The following SVIL variants were observed in gnomAD, a reference collection of about 807,000 sequenced individuals.
The protein encoded by SVIL is archvillin.
In SVIL, 101 loss-of-function variants were observed where a neutral mutation model predicts 240.4. The ratio of observed to expected loss-of-function variants is 0.42; its 90% confidence interval spans 0.36 to 0.50. SVIL has a LOEUF of 0.50. Among genes scored for constraint, SVIL ranks in the 20% least tolerant of loss-of-function variants. The probability of loss-of-function intolerance (pLI) is 0.01; values close to 1 mark genes in which losing one functional copy is unlikely to be tolerated. For missense variants in SVIL, 2,512 were observed against 2,818.7 expected (o/e 0.89, Z 2.46); for synonymous variants, 999 against 1,100.0 (o/e 0.91, Z 1.82).
chr10:29,558,736 G>T (rs1954172212), intron 3 of SVIL, among the ~76,000 whole-genome samples: 1 of 151,390 alleles, frequency 6.6e-6, no homozygotes, highest in Admixed American at 6.6e-5. Flanking sequence ...AGACTAGTGT[G>T]GCTAACATGA....
chr10:29,478,842 T>G lies in SVIL; in HGVS notation c.5377+1695A>C, dbSNP rs1339605141. Among the ~76,000 whole-genome samples the G allele has an allele frequency of 6.8e-5, 10 of 146,846 alleles. No individual in the cohort carries two copies. In the Admixed American group the frequency reaches 7.0e-4, roughly 10 times the overall value. ...TGGGAGGCTGAGGCACGAGGATGGC[T>G]TGAGCCTGGGAGGTCAAGGCTGCAG... On this transcript the variant is annotated intron_variant, in intron 29 of 37. Coordinates refer to ENST00000355867, the MANE Select transcript of SVIL (RefSeq NM_021738.3).
At chr10:29,497,745 T>G (rs544037595) in intron 18 of SVIL, among the ~76,000 whole-genome samples, 1 of 152,268 alleles carries the variant, frequency 6.6e-6, no homozygotes, top group Non-Finnish European at 1.5e-5. Flanking sequence ...AAGGCTGACT[T>G]AGGGTACATG....
intron 33 of SVIL, 79 bp from the exon 34 acceptor site, chr10:29,465,829 T>C: frequency 6.6e-7 from 1 of 1,519,382 alleles, no homozygotes; most frequent in Non-Finnish European, 8.9e-7. Context: ...ATGTAAAATA[T>C]GAAATAATTC....
intron 1 of SVIL, among the ~76,000 whole-genome samples, chr10:29,608,325 G>A (rs1399478237): frequency 6.6e-6 from 1 of 152,252 alleles, no homozygotes; most frequent in African/African-American, 2.4e-5. Context: ...CGGCAGCAGT[G>A]GCCCATCTGG....
chr10:29,657,977 C>T lies in SVIL; in HGVS notation c.-209G>A, dbSNP rs546352582. On this transcript the variant is annotated 5_prime_UTR_variant, in exon 3 of 36. Coordinates refer to the SVIL transcript ENST00000375400. ...CTTTCCTCAATACTTACCTTAACGCCGATATTTAAATCATGGCTTCGATGT... is the reference window on the plus strand; with the variant it reads ...CTTTCCTCAATACTTACCTTAACGCTGATATTTAAATCATGGCTTCGATGT... 8 of 152,258 alleles carry T rather than the reference C, an allele frequency of 5.3e-5. No homozygotes were observed. In the South Asian group the frequency reaches 1.2e-3, roughly 24 times the overall value. 9.4% of individuals were successfully genotyped at this position (152,258 alleles called of 1,614,324 possible). A position where few individuals can be genotyped will look rare whatever the true frequency, so the allele number is the denominator to read the frequency against.
chr10:29,547,584 C>CTT (rs1457554242), intron 6 of SVIL, among the ~76,000 whole-genome samples: 1 of 152,046 alleles, frequency 6.6e-6, no homozygotes, highest in Admixed American at 6.6e-5. Flanking sequence ...GTCAACAATG[C>CTT]TTTTTTCTAG....
upstream of SVIL, among the ~76,000 whole-genome samples, chr10:29,637,248 G>A (rs1481759198): frequency 6.6e-6 from 1 of 152,176 alleles, no homozygotes; most frequent in Non-Finnish European, 1.5e-5. Flanking sequence ...ACTTTGGTAG[G>A]CCGAGGCGGG....
intron 1 of SVIL, among the ~76,000 whole-genome samples, chr10:29,619,498 C>T (rs563549139): frequency 7.9e-5 from 12 of 152,276 alleles, no homozygotes; most frequent in Non-Finnish European, 8.8e-5. Context: ...CTGAAGGGAA[C>T]CAAAGCTGGA....
chr10:29,625,215 C>G (rs1957817336), intron 1 of SVIL, among the ~76,000 whole-genome samples: 1 of 152,172 alleles, frequency 6.6e-6, no homozygotes, highest in Admixed American at 6.5e-5. Context: ...GTTAAGACTA[C>G]CTTTCTTTTT....
chr10:29,593,437 A>G (rs548397092), intron 1 of SVIL, among the ~76,000 whole-genome samples: 1 of 152,312 alleles, frequency 6.6e-6, no homozygotes, highest in South Asian at 2.1e-4. Context: ...CCCATCAGGA[A>G]GATTCCAGAC....
At chr10:29,682,821 T>G (rs1003521574) in intron 2 of SVIL, among the ~76,000 whole-genome samples, 2 of 152,222 alleles carry the variant, frequency 1.3e-5, no homozygotes, top group Non-Finnish European at 2.9e-5. Context: ...TTAATGACTA[T>G]TCACCTGTCC....
At position 29,484,310 on chromosome 10, in the gene SVIL, C is replaced by T. The variant is rs10826637; in HGVS notation, c.4955+346G>A. ...CAGATCAATGGCTGAATTCCAGACC[C>T]GGGGAAGCCTTTCAGATCCGCATGT... On this transcript the variant is annotated intron_variant, in intron 27 of 37. Transcript: ENST00000355867. This position sits in a 1 kb window ranked among gnomAD's most constrained non-coding sequence, Gnocchi z 4.7. Among the ~76,000 whole-genome samples, 14,440 of 152,122 alleles carry T rather than the reference C, an allele frequency of 0.095. 861 individuals are homozygous for T. The highest frequency in any genetic ancestry group is 0.13 in the Non-Finnish European group (8,997 of 67,986).
At chr10:29,492,520 TG>T (rs1948066679) in intron 21 of SVIL, among the ~76,000 whole-genome samples, 1 of 151,924 alleles carries the variant, frequency 6.6e-6, no homozygotes, top group South Asian at 2.1e-4. Flanking sequence ...GTTCAGTGGC[TG>T]AGCCGGCAAA....
At chr10:29,651,781 C>T (rs1343300430) in intron 3 of SVIL, among the ~76,000 whole-genome samples, 1 of 152,150 alleles carries the variant, frequency 6.6e-6, no homozygotes, top group Non-Finnish European at 1.5e-5. Flanking sequence ...ACACCTCAAA[C>T]TTAATATGTC....
chr10:29,602,497 T>C (rs74403874), intron 1 of SVIL, among the ~76,000 whole-genome samples: 3 of 152,240 alleles, frequency 2.0e-5, no homozygotes, highest in African/African-American at 4.8e-5. Context: ...CCAGAATGAT[T>C]TGGGGGAAGA....
At chr10:29,683,524 C>CA (rs1448096617) in intron 2 of SVIL, among the ~76,000 whole-genome samples, 1 of 152,156 alleles carries the variant, frequency 6.6e-6, no homozygotes, top group Non-Finnish European at 1.5e-5. Flanking sequence ...ACTAGTTATT[C>CA]AGGTTAATTT....
At chr10:29,625,251 C>T (rs879798263) in intron 1 of SVIL, among the ~76,000 whole-genome samples, 2 of 152,126 alleles carry the variant, frequency 1.3e-5, no homozygotes, top group Non-Finnish European at 2.9e-5. Flanking sequence ...TAATAAAGTT[C>T]TGAGACAAAG....
At chr10:29,462,237 G>A (rs1260191094) in intron 36 of SVIL, 40 bp downstream of exon 36, 10 of 1,604,680 alleles carry the variant, frequency 6.2e-6, no homozygotes, top group Non-Finnish European at 6.8e-6. Flanking sequence ...AATCCAAAAG[G>A]CGCAGGAGCC....
chr10:29,574,828 A>C (rs1419197235), intron 1 of SVIL, among the ~76,000 whole-genome samples: 1 of 152,208 alleles, frequency 6.6e-6, no homozygotes, highest in African/African-American at 2.4e-5. Context: ...ACATCAGGCC[A>C]GCTGCAGTTG....
Sources: allele counts gnomAD v4.1 joint callset (sites outside exome capture counted in the v4.1 genomes callset), GRCh38; gene constraint gnomAD v4.1.1; non-coding constraint Gnocchi (gnomAD v3.1); transcripts MANE v1.5; gene names NCBI Gene and HGNC (gene_info 2026-07-23, HGNC 2026-07-21).